KCTD1: variants seen among roughly 807,000 people sequenced by gnomAD.
The protein encoded by KCTD1 is potassium channel tetramerization domain containing 1, also known as BTB/POZ domain-containing protein KCTD1.
KCTD1 carries 24 observed loss-of-function variants against 66.0 expected under a neutral mutation model. The observed-to-expected ratio is 0.36, with a 90% CI of 0.26 to 0.51. The LOEUF (loss-of-function observed/expected upper bound fraction) is 0.51, where lower values mean the gene tolerates loss of function less well. Ranked by LOEUF, KCTD1 falls within the 20% of genes least tolerant of loss-of-function variation. The probability of loss-of-function intolerance (pLI) is 0.95; values close to 1 mark genes in which losing one functional copy is unlikely to be tolerated. For missense variants in KCTD1, 943 were observed against 1,205.2 expected, an observed-to-expected ratio of 0.78 and a Z score of 3.22; for synonymous variants, 511 against 517.2, an observed-to-expected ratio of 0.99 and a Z score of 0.16.
chr18:26,653,435 T>C (rs1988072883), intron 1 of KCTD1, among the ~76,000 whole-genome samples: 1 of 152,228 alleles, frequency 6.6e-6, no homozygotes, highest in South Asian at 2.1e-4. Context: ...CCAGGCCATT[T>C]TGGCCCTCTT....
At chr18:26,554,008 A>G (rs1389056426) in intron 1 of KCTD1, among the ~76,000 whole-genome samples, 1 of 151,826 alleles carries the variant, frequency 6.6e-6, no homozygotes, top group African/African-American at 2.4e-5. Context: ...AAAAGAAAAA[A>G]GAAAAGAAGA....
intron 1 of KCTD1, among the ~76,000 whole-genome samples, chr18:26,514,560 A>AAG (rs1983547185): frequency 1.5e-5 from 1 of 67,748 alleles, no homozygotes; most frequent in African/African-American, 8.3e-5. Context: ...AAAAAAAAAA[A>AAG]AAAAAAAAAA....
At chr18:26,456,788 C>T (rs1163972693) in intron 4 of KCTD1, 1 of 151,888 alleles carries the variant, frequency 6.6e-6, no homozygotes. Flanking sequence ...GACAAAAATA[C>T]AGGAAACTGA....
chr18:26,459,696 T>C lies in KCTD1; in HGVS notation c.2363A>G (p.Asn788Ser). 2 of 1,613,884 alleles carry C rather than the reference T, an allele frequency of 1.2e-6. No homozygotes were observed. Among genetic ancestry groups the C allele is most frequent in the Non-Finnish European group, 1.7e-6 (2 of 1,179,764 alleles). Residue 788 changes from asparagine to serine, a missense_variant, in exon 4 of 5, where the codon AAT (asparagine) becomes AGT (serine). Asn to Ser is a conservative substitution (Grantham distance 46, BLOSUM62 1). This residue lies in a region of KCTD1 where 162 missense variants were observed against 232.4 expected (regional missense o/e 0.70). Transcript: ENST00000580059. The part of the protein sequence containing the change: ...EIGDVMCNSV[N>S]AGWNHDSTHV... Reference sequence around the variant, plus strand: ...CGTCGAGTCGTGATTCCAGCCTGCATTGACAGAGTTACACATCACGTCGCC... The same window carrying C: ...CGTCGAGTCGTGATTCCAGCCTGCACTGACAGAGTTACACATCACGTCGCC...
intron 1 of KCTD1, among the ~76,000 whole-genome samples, chr18:26,572,631 T>C (rs1449019153): frequency 6.6e-6 from 1 of 152,206 alleles, no homozygotes; most frequent in African/African-American, 2.4e-5. Context: ...TCTGTTGCTT[T>C]TGATGCAGGG....
intron 2 of KCTD1, among the ~76,000 whole-genome samples, chr18:26,497,250 G>C (rs1295922715): frequency 6.6e-6 from 1 of 152,090 alleles, no homozygotes; most frequent in Non-Finnish European, 1.5e-5. Context: ...TAAACTACAG[G>C]TCTTTCCCTT....
chr18:26,612,795 G>A, intron 1 of KCTD1, among the ~76,000 whole-genome samples: 1 of 152,202 alleles, frequency 6.6e-6, no homozygotes. Context: ...CGGGCAGTGA[G>A]CAGGAGCAAG....
At chr18:26,637,068 G>A (rs1272928740) in intron 1 of KCTD1, among the ~76,000 whole-genome samples, 1 of 152,184 alleles carries the variant, frequency 6.6e-6, no homozygotes, top group Non-Finnish European at 1.5e-5. Context: ...ACCTCGGAGG[G>A]CTTCAGACCC....
chr18:26,485,051 T>C lies in KCTD1; in HGVS notation c.1989-8392A>G, dbSNP rs545352923. Among the ~76,000 whole-genome samples the C allele has an allele frequency of 2.6e-5, 4 of 152,340 alleles. No individual in the cohort carries two copies. In the East Asian group the frequency reaches 7.7e-4, roughly 29 times the overall value. ...GTCATGTCTTAGGAACTTCCTGGCA[T>C]GTTCAGCTCCAAGACCCATAGACCT... On this transcript the variant is annotated intron_variant, in intron 2 of 4. Coordinates refer to ENST00000580059, the MANE Select transcript of KCTD1 (RefSeq NM_001142730.3).
At chr18:26,587,165 A>C (rs1314264686) in intron 1 of KCTD1, among the ~76,000 whole-genome samples, 1 of 152,212 alleles carries the variant, frequency 6.6e-6, no homozygotes, top group African/African-American at 2.4e-5. Context: ...TGGTGACTTT[A>C]AGTGGAAGCC....
chr18:26,548,568 G>T, upstream of KCTD1: 1 of 1,223,080 alleles, frequency 8.2e-7, no homozygotes, highest in Non-Finnish European at 1.0e-6. Context: ...CTCGGGCAGG[G>T]CGCATGCGCT....
chr18:26,588,258 G>A (rs1376015273), intron 1 of KCTD1, among the ~76,000 whole-genome samples: 1 of 141,118 alleles, frequency 7.1e-6, no homozygotes, highest in Non-Finnish European at 1.5e-5. Flanking sequence ...CTGGGCAACA[G>A]TGTAAGACTC....
upstream of KCTD1, among the ~76,000 whole-genome samples, chr18:26,632,996 T>C (rs1195413054): frequency 1.3e-5 from 2 of 152,098 alleles, no homozygotes; most frequent in Non-Finnish European, 2.9e-5. Context: ...ATACATTTAT[T>C]CACTTCAGAA....
At chr18:26,549,680 C>T (rs1985468922), upstream of KCTD1, 1 of 977,256 alleles carries the variant, frequency 1.0e-6, no homozygotes, top group Non-Finnish European at 1.2e-6. Context: ...TCTCGGCCGA[C>T]CCTGCCGCAG....
chr18:26,529,677 T>C (rs1338643716), intron 1 of KCTD1, among the ~76,000 whole-genome samples: 1 of 152,220 alleles, frequency 6.6e-6, no homozygotes, highest in Admixed American at 6.5e-5. Context: ...CAGACCACAT[T>C]CTTTACATTT....
intron 1 of KCTD1, among the ~76,000 whole-genome samples, chr18:26,535,401 C>T (rs1598925088): frequency 6.6e-6 from 1 of 152,134 alleles, no homozygotes; most frequent in African/African-American, 2.4e-5. Context: ...AGCGTCAGAC[C>T]CCCAGCAAGG....
chr18:26,614,605 G>A (rs1987210074), intron 1 of KCTD1, among the ~76,000 whole-genome samples: 1 of 152,182 alleles, frequency 6.6e-6, no homozygotes, highest in Admixed American at 6.5e-5. Context: ...ATCTGTGTGG[G>A]TTTGTGAAGA....
At chr18:26,489,497 CCTG>C (rs1472009667) in intron 2 of KCTD1, among the ~76,000 whole-genome samples, 5 of 152,180 alleles carry the variant, frequency 3.3e-5, no homozygotes, top group Non-Finnish European at 7.3e-5. Context: ...AATCCTCCTG[CCTG>C]GCCTCCCAAA....
intron 1 of KCTD1, chr18:26,657,301 A>G (rs1278343172): frequency 1.0e-6 from 1 of 984,220 alleles, no homozygotes; most frequent in Admixed American, 6.1e-5. Flanking sequence ...AGTTGCGCCC[A>G]AAGTCCCAGC....
Sources: allele counts gnomAD v4.1 joint callset (sites outside exome capture counted in the v4.1 genomes callset), GRCh38; gene constraint gnomAD v4.1.1; regional missense constraint gnomAD v4.1.1; transcripts MANE v1.5; gene names NCBI Gene and HGNC (gene_info 2026-07-23, HGNC 2026-07-21).